TTLL5: variants seen among roughly 807,000 people sequenced by gnomAD.
The protein encoded by TTLL5 is tubulin tyrosine ligase like 5.
Under a neutral mutation model 168.4 loss-of-function variants are expected in TTLL5, and 132 were observed. That is an observed-to-expected ratio of 0.78 (90% CI 0.68 to 0.91). TTLL5 has a LOEUF of 0.91. Ranked by LOEUF, TTLL5 falls within the 40% of genes least tolerant of loss-of-function variation. The pLI, the probability that TTLL5 is intolerant of heterozygous loss-of-function variation, is 0.00. For synonymous variants in TTLL5, 546 were observed against 558.6 expected (o/e 0.98, Z 0.32); for missense variants, 1,545 against 1,581.5 (o/e 0.98, Z 0.39).
chr14:75,839,624 A>C (rs1299309655), intron 28 of TTLL5, among the ~76,000 whole-genome samples: 1 of 152,194 alleles, frequency 6.6e-6, no homozygotes, highest in Admixed American at 6.5e-5. Context: ...GTGAGAACTC[A>C]CTATGATGTG....
intron 18 of TTLL5, among the ~76,000 whole-genome samples, chr14:75,758,930 G>T (rs1890454565): frequency 6.6e-6 from 1 of 152,132 alleles, no homozygotes; most frequent in South Asian, 2.1e-4. Context: ...TTGGAAAATT[G>T]AGGACTGAGA....
chr14:75,896,207 A>G (rs1353611872), intron 30 of TTLL5, among the ~76,000 whole-genome samples: 1 of 129,462 alleles, frequency 7.7e-6, no homozygotes, highest in Admixed American at 8.4e-5. Flanking sequence ...ACTGAGAGAT[A>G]AAAGGAAGAA....
intron 29 of TTLL5, among the ~76,000 whole-genome samples, chr14:75,864,157 TAGTTTATAACCTCCC>T (rs2030306322): frequency 6.6e-6 from 1 of 152,314 alleles, no homozygotes; most frequent in African/African-American, 2.4e-5. Context: ...TGTATGATCT[TAGTTTATAACCTCCC>T]ATAGGGTCTG....
intron 28 of TTLL5, among the ~76,000 whole-genome samples, chr14:75,849,739 C>T (rs1225095154): frequency 6.6e-6 from 1 of 152,066 alleles, no homozygotes; most frequent in Non-Finnish European, 1.5e-5. Flanking sequence ...ACTAGGTTTC[C>T]CCAAGGCATA....
chr14:75,945,089 C>T (rs369922402), intron 31 of TTLL5, among the ~76,000 whole-genome samples: 12 of 151,660 alleles, frequency 7.9e-5, no homozygotes, highest in African/African-American at 2.7e-4. Flanking sequence ...CATATAAAAC[C>T]CCAAGTCAGA....
At chr14:75,773,923 T>TAGAGAGAG (rs1250809385) in intron 21 of TTLL5, among the ~76,000 whole-genome samples, 2 of 27,722 alleles carry the variant, frequency 7.2e-5, no homozygotes, top group African/African-American at 2.6e-4. Context: ...TATATATATA[T>TAGAGAGAG]ATATAGAGAG....
At chr14:75,824,218 T>C (rs1317075110) in intron 28 of TTLL5, among the ~76,000 whole-genome samples, 2 of 152,194 alleles carry the variant, frequency 1.3e-5, no homozygotes, top group South Asian at 2.1e-4. Flanking sequence ...ATATCTTCCA[T>C]GTTCTCAGCA....
intron 30 of TTLL5, among the ~76,000 whole-genome samples, chr14:75,896,752 G>A (rs1031363491): frequency 6.6e-6 from 1 of 152,102 alleles, no homozygotes; most frequent in African/African-American, 2.4e-5. Context: ...AAAATAATGG[G>A]CAAAAGAAGA....
At chr14:75,798,771 G>A (rs1167060758) in intron 27 of TTLL5, among the ~76,000 whole-genome samples, 1 of 152,002 alleles carries the variant, frequency 6.6e-6, no homozygotes, top group African/African-American at 2.4e-5. Context: ...CTTGCATGGT[G>A]TTGAGGGTTC....
chr14:75,719,872 A>C, intron 11 of TTLL5, 46 bp downstream of exon 11: 1 of 1,557,586 alleles, frequency 6.4e-7, no homozygotes, highest in Non-Finnish European at 8.9e-7. Flanking sequence ...TCTTTGGATA[A>C]CTTTATCATT....
At chr14:75,708,000 G>T (rs188984314) in intron 9 of TTLL5, among the ~76,000 whole-genome samples, 1 of 152,302 alleles carries the variant, frequency 6.6e-6, no homozygotes, top group East Asian at 1.9e-4. Flanking sequence ...GTATTTTCCT[G>T]CAGTGACAAT....
chr14:75,770,883 G>C (rs1595006922), intron 20 of TTLL5, among the ~76,000 whole-genome samples: 2 of 152,180 alleles, frequency 1.3e-5, no homozygotes, highest in East Asian at 3.9e-4. Flanking sequence ...CCATCTTGTA[G>C]TTGAGAACAG....
intron 31 of TTLL5, among the ~76,000 whole-genome samples, chr14:75,941,162 G>T (rs1389115628): frequency 6.6e-6 from 1 of 152,244 alleles, no homozygotes; most frequent in Non-Finnish European, 1.5e-5. Flanking sequence ...CCATGTGGCT[G>T]CATTGCAGAG....
rs533686829 is a variant in TTLL5, at chr14:75,763,494, T to C, written c.1551-1121T>C. ...TAAATAGACCAAATGACACAGCCTT[T>C]TTATTATACTCAGAGACTGAAAACT... On this transcript the variant is annotated intron_variant, in intron 18 of 31. Transcript: ENST00000298832. Among the ~76,000 whole-genome samples the C allele has an allele frequency of 7.9e-5, 12 of 152,264 alleles. No homozygotes were observed. The South Asian group carries it at 2.5e-3, about 32-fold the overall frequency.
At chr14:75,674,370 C>T (rs1185677969) in intron 3 of TTLL5, among the ~76,000 whole-genome samples, 1 of 152,186 alleles carries the variant, frequency 6.6e-6, no homozygotes. Context: ...AAATAGCTGA[C>T]ACAGATCTGT....
chr14:75,806,759 C>G (rs1357216672), intron 27 of TTLL5, among the ~76,000 whole-genome samples: 7 of 152,166 alleles, frequency 4.6e-5, no homozygotes, highest in African/African-American at 1.7e-4. Flanking sequence ...TGGTAGTACT[C>G]AAAAAATGTG....
chr14:75,930,764 A>G (rs1363340375), intron 31 of TTLL5: 1 of 479,090 alleles, frequency 2.1e-6, no homozygotes, highest in Non-Finnish European at 2.7e-6. Context: ...AAGTTCTAAG[A>G]TCAACCTTAG....
intron 27 of TTLL5, among the ~76,000 whole-genome samples, chr14:75,805,610 A>G (rs1438527099): frequency 6.6e-6 from 1 of 152,188 alleles, no homozygotes; most frequent in Non-Finnish European, 1.5e-5. Context: ...TCAGGTCCAC[A>G]TTTCCACCTG....
chr14:75,932,366 G>A (rs993973244), intron 31 of TTLL5, among the ~76,000 whole-genome samples: 1 of 152,118 alleles, frequency 6.6e-6, no homozygotes, highest in African/African-American at 2.4e-5. Context: ...AAAAAGATAA[G>A]GAGATTTTAT....
Sources: allele counts gnomAD v4.1 joint callset (sites outside exome capture counted in the v4.1 genomes callset), GRCh38; gene constraint gnomAD v4.1.1; transcripts MANE v1.5; gene names NCBI Gene and HGNC (gene_info 2026-07-23, HGNC 2026-07-21).